The following THSD7A variants were observed in gnomAD, a reference collection of about 807,000 sequenced individuals.
THSD7A encodes the protein thrombospondin type 1 domain containing 7A.
A neutral mutation model predicts 231.3 loss-of-function variants in THSD7A; 96 were observed. That is an observed-to-expected ratio of 0.41 (90% confidence interval 0.35 to 0.49). THSD7A has a LOEUF of 0.49. THSD7A is among the 20% of genes least tolerant of loss of function. The probability of loss-of-function intolerance (pLI) is 0.05; values close to 1 mark genes in which losing one functional copy is unlikely to be tolerated. For synonymous variants in THSD7A, 940 were observed against 743.3 expected (o/e 1.26, Z -4.30); for missense variants, 2,290 against 2,070.2 (o/e 1.11, Z -2.06).
chr7:11,546,202 GCTCA>G lies in THSD7A; in HGVS notation c.1454-3089_1454-3086del, dbSNP rs1378419390. ...TCTGTTGTTGCTGGTGTGGGCGCGC[GCTCA>G]CACACACACACACACACACACACAC... On this transcript the variant is annotated intron_variant, in intron 4 of 27. Transcript: ENST00000423059. 1.5e-3 allele frequency among the ~76,000 whole-genome samples: 191 copies of G among 129,402 alleles called. 2 individuals are homozygous for G. The highest frequency in any genetic ancestry group is 3.8e-3 in the African/African-American group (133 of 35,130). The allele number at this position is 129,402 out of a possible 152,430, so 84.9% of individuals were successfully genotyped here.
intron 1 of THSD7A, among the ~76,000 whole-genome samples, chr7:11,769,273 AG>A (rs1383671787): frequency 6.7e-6 from 1 of 149,648 alleles, no homozygotes; most frequent in East Asian, 2.0e-4. Flanking sequence ...CTGGGATTAC[AG>A]GCATGAGCCA....
chr7:11,569,731 G>T (rs545408978), intron 4 of THSD7A, among the ~76,000 whole-genome samples: 3 of 152,264 alleles, frequency 2.0e-5, no homozygotes, highest in South Asian at 4.1e-4. Flanking sequence ...CATGTTTATG[G>T]CAGCACTATT....
chr7:11,613,177 T>A (rs1413221536), intron 2 of THSD7A, among the ~76,000 whole-genome samples: 3 of 152,206 alleles, frequency 2.0e-5, no homozygotes, highest in African/African-American at 4.8e-5. Context: ...TATCCCACAA[T>A]CTTGGACTTA....
At position 11,494,875 on chromosome 7, in the gene THSD7A, TTTTC is replaced by T. The variant is rs1268821367; in HGVS notation, c.1823-12897_1823-12894del. ...TAATACAGCATTTTCTAAAATATAG[TTTTC>T]TTTTTCTTTCAGAGATAATCTATGC... On this transcript the variant is annotated intron_variant, in intron 6 of 27. Coordinates refer to ENST00000423059, the MANE Select transcript of THSD7A (RefSeq NM_015204.3). Among the ~76,000 whole-genome samples, 27 of 152,218 alleles carry T rather than the reference TTTTC, an allele frequency of 1.8e-4. 1 individual carries two copies. The highest frequency in any genetic ancestry group is 1.4e-3 in the Admixed American group (21 of 15,272).
In THSD7A at chr7:11,379,113, T is replaced by G; in HGVS notation, c.4758A>C (p.Pro1586=). The change falls in exon 26 of 28, where the codon CCA becomes CCC. Residue 1586 remains proline (P), a synonymous_variant. Transcript: ENST00000423059. ...AVHPTQPSSN[P]AGRGRTWFLQ... is the part of the protein sequence containing the mutation. ...GAAACCAGGTCCTTCCCCGTCCTGC[T>G]GGGTTACTGGAGGGTTGGGTTGGAT... 6.2e-7 allele frequency: 1 copy of G among 1,613,628 alleles called. No homozygotes were observed. Among genetic ancestry groups the G allele is most frequent in the Non-Finnish European group, 8.5e-7 (1 of 1,179,684 alleles).
intron 1 of THSD7A, among the ~76,000 whole-genome samples, chr7:11,764,984 C>T (rs1039345363): frequency 6.6e-6 from 1 of 151,692 alleles, no homozygotes; most frequent in African/African-American, 2.4e-5. Flanking sequence ...AATGACAAAC[C>T]TGAGAGATAA....
At chr7:11,384,482 A>G (rs1782651037) in intron 23 of THSD7A, 1 of 151,890 alleles carries the variant, frequency 6.6e-6, no homozygotes, top group Non-Finnish European at 1.5e-5. Flanking sequence ...TTTAGTATTT[A>G]CAGTTTGTTC....
intron 23 of THSD7A, among the ~76,000 whole-genome samples, chr7:11,391,307 G>A (rs1207046687): frequency 6.6e-6 from 1 of 152,216 alleles, no homozygotes; most frequent in African/African-American, 2.4e-5. Context: ...CAGAGAGGAG[G>A]AATCTAGAAA....
At chr7:11,437,194 A>C (rs1784660603) in intron 13 of THSD7A, among the ~76,000 whole-genome samples, 1 of 152,074 alleles carries the variant, frequency 6.6e-6, no homozygotes, top group Non-Finnish European at 1.5e-5. Context: ...AGATGAGTTG[A>C]GGTGTCGGAA....
chr7:11,604,346 G>A (rs1016283916), intron 2 of THSD7A, among the ~76,000 whole-genome samples: 25 of 151,990 alleles, frequency 1.6e-4, no homozygotes, highest in South Asian at 2.1e-4. Flanking sequence ...ACAAAGAACC[G>A]GGTACCGTGT....
chr7:11,555,660 C>T (rs928173424), intron 4 of THSD7A, among the ~76,000 whole-genome samples: 7 of 151,768 alleles, frequency 4.6e-5, no homozygotes, highest in Non-Finnish European at 8.8e-5. Context: ...AAGGTATTGT[C>T]ATTTCCAACT....
chr7:11,566,074 ATTAC>A (rs1209264961), intron 4 of THSD7A, among the ~76,000 whole-genome samples: 8 of 152,188 alleles, frequency 5.3e-5, no homozygotes, highest in Admixed American at 3.3e-4. Context: ...GGCTTCTGGG[ATTAC>A]TTAAACTACT....
At chr7:11,644,322 A>C (rs193281755) in intron 1 of THSD7A, among the ~76,000 whole-genome samples, 4 of 151,946 alleles carry the variant, frequency 2.6e-5, no homozygotes, top group Non-Finnish European at 5.9e-5. Context: ...AATTATACTA[A>C]TTGAATTGAT....
At chr7:11,607,015 A>T (rs1318128003) in intron 2 of THSD7A, among the ~76,000 whole-genome samples, 6 of 151,682 alleles carry the variant, frequency 4.0e-5, no homozygotes. Context: ...AATAATAAAA[A>T]AATATATATA....
chr7:11,755,081 G>A (rs1782629757), intron 1 of THSD7A, among the ~76,000 whole-genome samples: 2 of 152,056 alleles, frequency 1.3e-5, no homozygotes, highest in South Asian at 4.1e-4. Context: ...TTGCCTCTGA[G>A]AAGCCACTTG....
chr7:11,641,746 CTAAAATAAAA>C (rs199724403), intron 1 of THSD7A, among the ~76,000 whole-genome samples: 2 of 149,004 alleles, frequency 1.3e-5, no homozygotes, highest in African/African-American at 2.4e-5. Context: ...ATGATTGAAC[CTAAAATAAAA>C]TAAAATAAAA....
chr7:11,382,467 C>T, intron 24 of THSD7A, 54 bp downstream of exon 24: 28 of 1,378,836 alleles, frequency 2.0e-5, no homozygotes, highest in Non-Finnish European at 2.9e-5. Context: ...TTCAACCAAT[C>T]ACATGTGTGT....
intron 1 of THSD7A, among the ~76,000 whole-genome samples, chr7:11,739,003 C>T (rs78368984): frequency 1.1e-4 from 17 of 152,032 alleles, no homozygotes; most frequent in African/African-American, 3.9e-4. Flanking sequence ...ATCATAGTGA[C>T]GTTTAGAGGA....
In THSD7A at chr7:11,754,280, C is replaced by T. The variant is rs534685732; in HGVS notation, c.190+77477G>A. On this transcript the variant is annotated intron_variant, in intron 1 of 27. Transcript: ENST00000423059. ...CTGAAATGATAAAAATAGAGAGTAA[C>T]GGAAGTGAGAACTCGAGGTAAGAGG... 1.9e-4 allele frequency among the ~76,000 whole-genome samples: 29 copies of T among 151,774 alleles called. No individual in the cohort carries two copies. In the South Asian group the frequency reaches 5.4e-3, roughly 28 times the overall value.
Sources: allele counts gnomAD v4.1 joint callset (sites outside exome capture counted in the v4.1 genomes callset), GRCh38; gene constraint gnomAD v4.1.1; transcripts MANE v1.5; gene names NCBI Gene and HGNC (gene_info 2026-07-23, HGNC 2026-07-21).